ROBO1: variants seen among roughly 807,000 people sequenced by gnomAD.
ROBO1 encodes roundabout homolog 1.
A neutral mutation model predicts 195.9 loss-of-function variants in ROBO1; 149 were observed. That is an observed-to-expected ratio of 0.76 (90% CI 0.67 to 0.87). The LOEUF (loss-of-function observed/expected upper bound fraction) is 0.87, where lower values mean the gene tolerates loss of function less well. Among genes scored for constraint, ROBO1 ranks in the 40% least tolerant of loss-of-function variants. The pLI, the probability that ROBO1 is intolerant of heterozygous loss-of-function variation, is 0.00. For synonymous variants in ROBO1, 816 were observed against 733.2 expected, an observed-to-expected ratio of 1.11 and a Z score of -1.82; for missense variants, 1,933 against 2,068.3, an observed-to-expected ratio of 0.93 and a Z score of 1.27.
At chr3:79,732,608 T>C (rs575257500) in intron 1 of ROBO1, among the ~76,000 whole-genome samples, 1 of 152,322 alleles carries the variant, frequency 6.6e-6, no homozygotes, top group South Asian at 2.1e-4. Context: ...CTTGCCGCTC[T>C]ATGAAAATCT....
At chr3:79,487,570 T>C (rs1939229303) in intron 2 of ROBO1, among the ~76,000 whole-genome samples, 2 of 152,310 alleles carry the variant, frequency 1.3e-5, no homozygotes, top group Middle Eastern at 3.4e-3. Context: ...TTAAAGAGTA[T>C]AGACCAGTGG....
chr3:79,445,488 T>TG (rs1362144905), intron 2 of ROBO1, among the ~76,000 whole-genome samples: 37 of 149,074 alleles, frequency 2.5e-4, no homozygotes, highest in Non-Finnish European at 4.5e-5. Context: ...ATTGTTTTTT[T>TG]TTTTTTTTTT....
chr3:78,752,087 A>G (rs538636822), intron 4 of ROBO1, among the ~76,000 whole-genome samples: 7 of 152,254 alleles, frequency 4.6e-5, no homozygotes, highest in Admixed American at 1.3e-4. Flanking sequence ...AAATAAAGAC[A>G]ACTCTATAAA....
chr3:79,037,774 T>C, intron 3 of ROBO1, among the ~76,000 whole-genome samples: 1 of 152,196 alleles, frequency 6.6e-6, no homozygotes, highest in Non-Finnish European at 1.5e-5. Flanking sequence ...GACATATATA[T>C]TTTTACATTA....
intron 2 of ROBO1, among the ~76,000 whole-genome samples, chr3:79,254,428 T>C (rs1217469339): frequency 6.6e-6 from 1 of 151,880 alleles, no homozygotes; most frequent in Non-Finnish European, 1.5e-5. Context: ...TAGTTATCTC[T>C]TTTCCGCTAG....
At chr3:79,271,766 A>G (rs1340391558) in intron 2 of ROBO1, among the ~76,000 whole-genome samples, 1 of 152,064 alleles carries the variant, frequency 6.6e-6, no homozygotes, top group Non-Finnish European at 1.5e-5. Context: ...TAAGATTCCC[A>G]GAATCTATAA....
intron 3 of ROBO1, among the ~76,000 whole-genome samples, chr3:78,950,096 C>T (rs371214477): frequency 2.0e-5 from 3 of 152,026 alleles, no homozygotes; most frequent in African/African-American, 4.8e-5. Flanking sequence ...TGTGGAAGTC[C>T]GTGTGGCGAT....
intron 4 of ROBO1, among the ~76,000 whole-genome samples, chr3:78,872,290 G>A (rs2035597618): frequency 6.6e-6 from 1 of 152,184 alleles, no homozygotes; most frequent in African/African-American, 2.4e-5. Flanking sequence ...ACTCCTGGGG[G>A]AACACAGACA....
chr3:79,133,907 GGA>G (rs2080343839), intron 2 of ROBO1, among the ~76,000 whole-genome samples: 1 of 151,702 alleles, frequency 6.6e-6, no homozygotes, highest in Admixed American at 6.6e-5. Flanking sequence ...CTAACAGACA[GGA>G]CCCTCAGCTG....
intron 28 of ROBO1, among the ~76,000 whole-genome samples, chr3:78,607,822 G>C (rs1703555348): frequency 6.6e-6 from 1 of 152,104 alleles, no homozygotes; most frequent in Non-Finnish European, 1.5e-5. Flanking sequence ...CAAATATGTA[G>C]ACCTTAAGCT....
At chr3:79,455,865 C>T (rs1347313289) in intron 2 of ROBO1, among the ~76,000 whole-genome samples, 1 of 152,104 alleles carries the variant, frequency 6.6e-6, no homozygotes, top group Non-Finnish European at 1.5e-5. Context: ...GAATACGAAA[C>T]ATGACACTCT....
intron 2 of ROBO1, among the ~76,000 whole-genome samples, chr3:79,392,265 C>T (rs2036982188): frequency 6.6e-6 from 1 of 152,204 alleles, no homozygotes; most frequent in Non-Finnish European, 1.5e-5. Context: ...GGTGGACAAC[C>T]AGACCTCCTC....
chr3:79,746,002 G>T (rs1245558162), intron 1 of ROBO1, among the ~76,000 whole-genome samples: 1 of 152,064 alleles, frequency 6.6e-6, no homozygotes, highest in Non-Finnish European at 1.5e-5. Context: ...ACTGGCCACA[G>T]AATACGAGAA....
intron 1 of ROBO1, among the ~76,000 whole-genome samples, chr3:79,611,414 T>C (rs1326379950): frequency 6.6e-6 from 1 of 152,092 alleles, no homozygotes; most frequent in African/African-American, 2.4e-5. Flanking sequence ...GGATATTATT[T>C]TTCTTTAATG....
chr3:79,557,415 T>C (rs959012569), intron 2 of ROBO1, among the ~76,000 whole-genome samples: 1 of 152,136 alleles, frequency 6.6e-6, no homozygotes, highest in African/African-American at 2.4e-5. Context: ...TTTGTGACTA[T>C]AAAGAATTTA....
At chr3:79,578,234 C>A (rs1356627991) in intron 2 of ROBO1, among the ~76,000 whole-genome samples, 1 of 152,080 alleles carries the variant, frequency 6.6e-6, no homozygotes, top group East Asian at 1.9e-4. Flanking sequence ...GTTTGACAGT[C>A]TTATAAAGCT....
At chr3:79,420,119 G>A (rs959775814) in intron 2 of ROBO1, among the ~76,000 whole-genome samples, 1 of 152,074 alleles carries the variant, frequency 6.6e-6, no homozygotes, top group African/African-American at 2.4e-5. Flanking sequence ...CATTCTATGA[G>A]TATCATTATA....
chr3:79,344,135 T>G (rs879858297), intron 2 of ROBO1, among the ~76,000 whole-genome samples: 12 of 152,156 alleles, frequency 7.9e-5, no homozygotes, highest in Admixed American at 7.9e-4. Context: ...GTTGATATAA[T>G]TCGGGTGTAA....
intron 1 of ROBO1, among the ~76,000 whole-genome samples, chr3:79,703,283 CCTT>C (rs1319805947): frequency 2.0e-5 from 3 of 151,634 alleles, no homozygotes; most frequent in Non-Finnish European, 2.9e-5. Context: ...CAGAATACAT[CCTT>C]CTTTTCATTT....
Sources: allele counts gnomAD v4.1 joint callset (sites outside exome capture counted in the v4.1 genomes callset), GRCh38; gene constraint gnomAD v4.1.1; transcripts MANE v1.5; gene names NCBI Gene and HGNC (gene_info 2026-07-23, HGNC 2026-07-21).